Variants in AGAP1 observed in about 807,000 individuals in gnomAD.
The protein encoded by AGAP1 is ArfGAP with GTPase domain, ankyrin repeat and PH domain 1.
In AGAP1, 29 loss-of-function variants were observed where a neutral mutation model predicts 105.3. The ratio of observed to expected loss-of-function variants is 0.28; its 90% confidence interval spans 0.21 to 0.38. The LOEUF is 0.38. AGAP1 is among the 10% of genes least tolerant of loss of function. AGAP1 has a pLI of 1.00. For synonymous variants in AGAP1, 509 were observed against 485.9 expected (o/e 1.05, Z -0.63); for missense variants, 998 against 1,165.1 (o/e 0.86, Z 2.09).
intron 1 of AGAP1, among the ~76,000 whole-genome samples, chr2:235,667,671 G>T (rs1197239836): frequency 1.3e-5 from 2 of 152,064 alleles, no homozygotes; most frequent in African/African-American, 4.8e-5. Flanking sequence ...ATCAAAGAGG[G>T]CTTCTTTAGC....
At position 235,556,858 on chromosome 2, in the gene AGAP1, T is replaced by TCCCCCAAGACTGCCTTGTCCCATCCTGAA. The variant is rs1331442254; in HGVS notation, c.163+62009_163+62010insCCCCCAAGACTGCCTTGTCCCATCCTGAA. On this transcript the variant is annotated intron_variant, in intron 1 of 17. Coordinates refer to ENST00000304032, the MANE Select transcript of AGAP1 (RefSeq NM_001037131.3). The surrounding 1 kb of genome is among the most constrained non-coding windows in gnomAD (Gnocchi z 5.3). ...ACTGGAAGTGTCTTGGCTAAATTCC[T>TCCCCCAAGACTGCCTTGTCCCATCCTGAA]GACCTAAGCTTGTGTGGTCTTTTGC... 5.3e-5 allele frequency among the ~76,000 whole-genome samples: 8 copies of TCCCCCAAGACTGCCTTGTCCCATCCTGAA among 152,370 alleles called. No homozygotes were observed.
chr2:235,910,208 C>T (rs1228969507), intron 11 of AGAP1, among the ~76,000 whole-genome samples: 12 of 5,284 alleles, frequency 2.3e-3, no homozygotes, highest in East Asian at 0.083. Flanking sequence ...TCCTGGGCTC[C>T]GCTGCATAGT....
chr2:235,823,859 A>G (rs1282086603), intron 9 of AGAP1, among the ~76,000 whole-genome samples: 3 of 152,190 alleles, frequency 2.0e-5, no homozygotes, highest in South Asian at 2.1e-4. Flanking sequence ...GTGTTTATGT[A>G]TCTAGCAGGC....
At chr2:235,603,085 G>A (rs901422419) in intron 1 of AGAP1, among the ~76,000 whole-genome samples, 10 of 152,134 alleles carry the variant, frequency 6.6e-5, no homozygotes, top group South Asian at 2.1e-4. Flanking sequence ...TAATTCCCAC[G>A]TGTTGTGGGA....
chr2:236,097,686 A>G (rs2059228224), intron 16 of AGAP1, among the ~76,000 whole-genome samples: 1 of 152,054 alleles, frequency 6.6e-6, no homozygotes, highest in Non-Finnish European at 1.5e-5. Context: ...CGTGGTCAGG[A>G]CATCTTAGCC....
rs576806353 is a variant in AGAP1, at chr2:235,731,232, A to G, written c.311-9731A>G. ...GTGTAGTTGCGAAAAAGGAGCTCAC[A>G]CTAATGGGAACCAGATTGTATCATT... On this transcript the variant is annotated intron_variant, in intron 3 of 17. Coordinates refer to ENST00000304032, the MANE Select transcript of AGAP1 (RefSeq NM_001037131.3). Among the ~76,000 whole-genome samples, 7 of 152,294 alleles carry G rather than the reference A, an allele frequency of 4.6e-5. No individual in the cohort carries two copies. In the South Asian group the frequency reaches 1.0e-3, roughly 23 times the overall value.
At chr2:235,921,085 G>A (rs1399301881) in intron 11 of AGAP1, among the ~76,000 whole-genome samples, 1 of 152,162 alleles carries the variant, frequency 6.6e-6, no homozygotes, top group East Asian at 1.9e-4. Flanking sequence ...ATATTATGCT[G>A]TTTGTTCCAG....
chr2:235,560,945 A>G lies in AGAP1; in HGVS notation c.163+66096A>G, dbSNP rs149045066. ...GTCACAGCCAGATGCTCCACCCTCC[A>G]TCAGTTTCTCATGTGTCCTTGAAAA... On this transcript the variant is annotated intron_variant, in intron 1 of 17. Coordinates refer to ENST00000304032, the MANE Select transcript of AGAP1 (RefSeq NM_001037131.3). Among the ~76,000 whole-genome samples the G allele has an allele frequency of 2.3e-4, 35 of 152,334 alleles. No individual in the cohort carries two copies. The East Asian group carries it at 6.6e-3, about 29-fold the overall frequency.
chr2:235,774,376 G>A (rs532197622), intron 6 of AGAP1: 2 of 470,938 alleles, frequency 4.2e-6, no homozygotes, highest in Non-Finnish European at 8.8e-6. Context: ...CCTGCTTCCA[G>A]TTTTTAAAAA....
At chr2:235,852,716 G>C in intron 9 of AGAP1, 1 of 1,529,354 alleles carries the variant, frequency 6.5e-7, no homozygotes, top group East Asian at 2.5e-5. Flanking sequence ...TGCACTGACA[G>C]CCAGCACTTA....
At position 235,829,764 on chromosome 2, in the gene AGAP1, G is replaced by A. The variant is rs113270539; in HGVS notation, c.1050+22433G>A. The stretch of plus-strand genomic sequence containing the variant: ...ATCGTCCATCCTTGCAGCAGTGGGT[G>A]GCCCCTCTGTGCTGGGCTCTGTGGA... On this transcript the variant is annotated intron_variant, in intron 9 of 17. Transcript: ENST00000304032. 6.4e-3 allele frequency among the ~76,000 whole-genome samples: 976 copies of A among 152,302 alleles called. 3 individuals are homozygous for A. Among genetic ancestry groups the A allele is most frequent in the Non-Finnish European group, 9.0e-3 (614 of 68,032 alleles).
At chr2:236,112,732 C>G (rs2059681306) in intron 16 of AGAP1, among the ~76,000 whole-genome samples, 2 of 152,256 alleles carry the variant, frequency 1.3e-5, no homozygotes, top group South Asian at 4.1e-4. Flanking sequence ...AGAACGCTCT[C>G]CCGCTCTCTC....
At chr2:235,805,328 A>G (rs1160082461) in intron 8 of AGAP1, among the ~76,000 whole-genome samples, 2 of 152,158 alleles carry the variant, frequency 1.3e-5, no homozygotes, top group Non-Finnish European at 2.9e-5. Flanking sequence ...GCAATGAGCT[A>G]TTTCTTCCCA....
intron 5 of AGAP1, among the ~76,000 whole-genome samples, chr2:235,745,271 T>TA (rs1952839399): frequency 6.6e-6 from 1 of 152,232 alleles, no homozygotes; most frequent in Non-Finnish European, 1.5e-5. Flanking sequence ...ATTTTGAACA[T>TA]AGAGCAGTTC....
intron 1 of AGAP1, among the ~76,000 whole-genome samples, chr2:235,585,582 C>T (rs904687070): frequency 6.6e-6 from 1 of 152,190 alleles, no homozygotes; most frequent in Non-Finnish European, 1.5e-5. Flanking sequence ...AGTATTTTGT[C>T]TCTTTGAGTT....
At chr2:235,649,541 T>C (rs1198515856) in intron 1 of AGAP1, among the ~76,000 whole-genome samples, 1 of 152,108 alleles carries the variant, frequency 6.6e-6, no homozygotes, top group Non-Finnish European at 1.5e-5. Flanking sequence ...ACTCAGCACA[T>C]TTTCTTATTT....
In AGAP1 at chr2:235,613,582, G is replaced by A. The variant is rs150514681; in HGVS notation, c.164-95597G>A. ...AAAGTGTTTTTAGGTAAATAATAACGCCTTCTTGCCTCTCTCCCTTTATCT... is the reference window on the plus strand; with the variant it reads ...AAAGTGTTTTTAGGTAAATAATAACACCTTCTTGCCTCTCTCCCTTTATCT... On this transcript the variant is annotated intron_variant, in intron 1 of 17. Coordinates refer to ENST00000304032, the MANE Select transcript of AGAP1 (RefSeq NM_001037131.3). 1.3e-3 allele frequency among the ~76,000 whole-genome samples: 194 copies of A among 152,194 alleles called. 1 individual carries two copies. Among genetic ancestry groups the A allele is most frequent in the South Asian group, 4.8e-3 (23 of 4,818 alleles).
rs1055183203 is a variant in AGAP1, at chr2:235,689,327, A to G, written c.164-19852A>G. ...TCCACAAGTCACTGCACAGCTCACCACGCGGGCCTGGAGTGAGCCTGCTGC... is the reference window on the plus strand; with the variant it reads ...TCCACAAGTCACTGCACAGCTCACCGCGCGGGCCTGGAGTGAGCCTGCTGC... On this transcript the variant is annotated intron_variant, in intron 1 of 17. Transcript: ENST00000304032. This position sits in a 1 kb window ranked among gnomAD's most constrained non-coding sequence, Gnocchi z 4.2. Among the ~76,000 whole-genome samples the G allele has an allele frequency of 6.6e-6, 1 of 152,154 alleles. No homozygotes were observed. Among genetic ancestry groups the G allele is most frequent in the Non-Finnish European group, 1.5e-5 (1 of 68,034 alleles).
chr2:235,637,896 T>TC (rs1947059386), intron 1 of AGAP1, among the ~76,000 whole-genome samples: 1 of 152,134 alleles, frequency 6.6e-6, no homozygotes, highest in Non-Finnish European at 1.5e-5. Context: ...ATGTTCCAGC[T>TC]CCAACAGAGA....
Sources: allele counts gnomAD v4.1 joint callset (sites outside exome capture counted in the v4.1 genomes callset), GRCh38; gene constraint gnomAD v4.1.1; non-coding constraint Gnocchi (gnomAD v3.1); transcripts MANE v1.5; gene names NCBI Gene and HGNC (gene_info 2026-07-23, HGNC 2026-07-21).